Variants in FSTL4 observed in about 807,000 individuals in gnomAD.
The protein encoded by FSTL4 is follistatin like 4, also known as follistatin-related protein 4.
A neutral mutation model predicts 78.2 loss-of-function variants in FSTL4; 28 were observed. The observed-to-expected ratio is 0.36, with a 90% CI of 0.27 to 0.49. FSTL4 has a LOEUF of 0.49. Among genes scored for constraint, FSTL4 ranks in the 20% least tolerant of loss-of-function variants. FSTL4 has a pLI of 0.98. For synonymous variants in FSTL4, 422 were observed against 440.5 expected (o/e 0.96, Z 0.53); for missense variants, 922 against 1,084.9 (o/e 0.85, Z 2.11).
At chr5:133,813,612 A>G in the FSTL4 span, among the ~76,000 whole-genome samples, 2 of 152,380 alleles carry the variant, frequency 1.3e-5, no homozygotes, top group East Asian at 3.9e-4. Context: ...TTTTCTTGCC[A>G]TAAGACTAAA....
intron 4 of FSTL4, among the ~76,000 whole-genome samples, chr5:133,335,816 C>G (rs1050352619): frequency 2.0e-5 from 3 of 152,002 alleles, no homozygotes; most frequent in African/African-American, 4.8e-5. Context: ...ACACTGGGAT[C>G]CTTGGGACAG....
chr5:133,581,106 C>G (rs1329455502), intron 2 of FSTL4, among the ~76,000 whole-genome samples: 1 of 152,150 alleles, frequency 6.6e-6, no homozygotes, highest in Admixed American at 6.5e-5. Context: ...CATTGTACCA[C>G]TATAACACTT....
chr5:133,221,973 C>T (rs761011638), intron 11 of FSTL4, among the ~76,000 whole-genome samples: 42 of 121,694 alleles, frequency 3.5e-4, no homozygotes, highest in Non-Finnish European at 6.5e-4. Flanking sequence ...ACTATCTGGG[C>T]AAGTTTTTAG....
the FSTL4 span, among the ~76,000 whole-genome samples, chr5:133,728,678 A>G: frequency 2.9e-5 from 4 of 136,466 alleles, no homozygotes; most frequent in Admixed American, 2.1e-4. Context: ...CTCCTTGGAA[A>G]TTGCAACATG....
intron 4 of FSTL4, among the ~76,000 whole-genome samples, chr5:133,367,937 TA>T (rs1313919771): frequency 6.6e-6 from 1 of 152,236 alleles, no homozygotes; most frequent in Non-Finnish European, 1.5e-5. Context: ...CTGCTGTGAA[TA>T]AACCCAGATC....
At chr5:133,253,161 A>C (rs571715508) in intron 6 of FSTL4, among the ~76,000 whole-genome samples, 16 of 151,756 alleles carry the variant, frequency 1.1e-4, no homozygotes, top group Non-Finnish European at 1.8e-4. Flanking sequence ...TTCCACCCTC[A>C]CTCCCCGTTA....
At chr5:133,699,620 G>A in the FSTL4 span, among the ~76,000 whole-genome samples, 9 of 152,136 alleles carry the variant, frequency 5.9e-5, no homozygotes, top group East Asian at 3.9e-4. Context: ...GGTGGCTCAC[G>A]CCTGTAATCC....
intron 3 of FSTL4, among the ~76,000 whole-genome samples, chr5:133,501,389 G>A (rs745470321): frequency 2.0e-5 from 3 of 152,114 alleles, no homozygotes; most frequent in African/African-American, 4.8e-5. Flanking sequence ...ACCAAATATC[G>A]TAATCAGCTC....
chr5:133,742,935 C>T, the FSTL4 span, among the ~76,000 whole-genome samples: 1 of 152,088 alleles, frequency 6.6e-6, no homozygotes, highest in Non-Finnish European at 1.5e-5. Context: ...ACCGTCATCC[C>T]GCCGGAAAGT....
intron 2 of FSTL4, among the ~76,000 whole-genome samples, chr5:133,590,972 T>G (rs417049): frequency 0.55 from 84,035 of 151,956 alleles, 23,404 homozygotes; most frequent in East Asian, 0.68. Flanking sequence ...GAGCCTTCGT[T>G]ACCTAAACAC....
chr5:133,364,921 T>C (rs1755150602), intron 4 of FSTL4, among the ~76,000 whole-genome samples: 1 of 152,156 alleles, frequency 6.6e-6, no homozygotes, highest in African/African-American at 2.4e-5. Flanking sequence ...CTTAATCTCC[T>C]TAGATTTCTT....
chr5:133,273,925 G>C (rs1225790888), intron 6 of FSTL4, among the ~76,000 whole-genome samples: 1 of 152,162 alleles, frequency 6.6e-6, no homozygotes, highest in Non-Finnish European at 1.5e-5. Flanking sequence ...CAGGAGACTA[G>C]CCTGATTACT....
chr5:133,240,171 A>C (rs74213605), intron 7 of FSTL4, among the ~76,000 whole-genome samples: 1 of 152,170 alleles, frequency 6.6e-6, no homozygotes, highest in South Asian at 2.1e-4. Context: ...AAGAAACTCC[A>C]AACGCATCCG....
chr5:133,789,061 A>C, the FSTL4 span, among the ~76,000 whole-genome samples: 2 of 152,228 alleles, frequency 1.3e-5, no homozygotes, highest in African/African-American at 4.8e-5. Context: ...CCAGAGATGG[A>C]AACAAGGATG....
rs1561484159 is a variant in FSTL4, at chr5:133,604,009, C to A, written c.-10-16G>T. 3 of 1,585,098 alleles carry A rather than the reference C, an allele frequency of 1.9e-6. No individual in the cohort carries two copies. The highest frequency in any genetic ancestry group is 2.6e-6 in the Non-Finnish European group (3 of 1,153,894). ...TTTGATGAGTCTGTTGAAGAAATGACAAATGCTGAGAATAAAACATTATGA... is the reference window on the plus strand; with the variant it reads ...TTTGATGAGTCTGTTGAAGAAATGAAAAATGCTGAGAATAAAACATTATGA... On this transcript the variant is annotated splice_polypyrimidine_tract_variant and intron_variant, in intron 1 of 15. Transcript: ENST00000265342.
intron 6 of FSTL4, among the ~76,000 whole-genome samples, chr5:133,298,216 C>T (rs1372614822): frequency 6.6e-6 from 1 of 152,242 alleles, no homozygotes; most frequent in East Asian, 1.9e-4. Flanking sequence ...TCACTTAGAA[C>T]AGCTTAGCAT....
chr5:133,747,342 C>G, the FSTL4 span, among the ~76,000 whole-genome samples: 1 of 152,168 alleles, frequency 6.6e-6, no homozygotes, highest in Non-Finnish European at 1.5e-5. Flanking sequence ...AAAGTACTAC[C>G]CCAGCGAACC....
At chr5:133,608,018 G>C (rs1034390060) in intron 1 of FSTL4, among the ~76,000 whole-genome samples, 7 of 152,190 alleles carry the variant, frequency 4.6e-5, no homozygotes, top group Non-Finnish European at 1.0e-4. Flanking sequence ...TCACTCTGGA[G>C]AAGTAAATCT....
chr5:133,710,180 A>T, the FSTL4 span, among the ~76,000 whole-genome samples: 1 of 152,018 alleles, frequency 6.6e-6, no homozygotes, highest in East Asian at 1.9e-4. Flanking sequence ...GCCCCCCACA[A>T]TGCCTATTCC....
Sources: allele counts gnomAD v4.1 joint callset (sites outside exome capture counted in the v4.1 genomes callset), GRCh38; gene constraint gnomAD v4.1.1; transcripts MANE v1.5; gene names NCBI Gene and HGNC (gene_info 2026-07-23, HGNC 2026-07-21).